The following TNIK variants were observed in gnomAD, a reference collection of about 807,000 sequenced individuals.
TNIK encodes the protein TRAF2 and NCK interacting kinase, also known as TRAF2 and NCK-interacting protein kinase.
Under a neutral mutation model 191.3 loss-of-function variants are expected in TNIK, and 49 were observed. The ratio of observed to expected loss-of-function variants is 0.26; its 90% CI spans 0.20 to 0.32. The LOEUF (loss-of-function observed/expected upper bound fraction) is 0.32. TNIK is among the 10% of genes least tolerant of loss of function. The probability of loss-of-function intolerance (pLI) is 1.00; values close to 1 mark genes in which losing one functional copy is unlikely to be tolerated. For synonymous variants in TNIK, 594 were observed against 600.9 expected (o/e 0.99, Z 0.17); for missense variants, 1,155 against 1,702.3 (o/e 0.68, Z 5.66).
At chr3:171,219,105 AAT>A (rs1335556224) in intron 3 of TNIK, among the ~76,000 whole-genome samples, 1 of 133,570 alleles carries the variant, frequency 7.5e-6, no homozygotes, top group Non-Finnish European at 1.5e-5. Context: ...TATAATTATA[AAT>A]ATATATTTTA....
chr3:171,108,883 T>C (rs995923093), intron 19 of TNIK, among the ~76,000 whole-genome samples: 14 of 152,112 alleles, frequency 9.2e-5, no homozygotes, highest in African/African-American at 3.4e-4. Context: ...GCAGAGTGAA[T>C]AGCATCTTTG....
intron 2 of TNIK, among the ~76,000 whole-genome samples, chr3:171,247,917 A>G (rs1398207625): frequency 6.6e-6 from 1 of 152,210 alleles, no homozygotes; most frequent in Non-Finnish European, 1.5e-5. Context: ...GTGGAGGCAA[A>G]GAGGGTAGAA....
chr3:171,345,748 G>C (rs1712082327), intron 2 of TNIK, among the ~76,000 whole-genome samples: 1 of 152,138 alleles, frequency 6.6e-6, no homozygotes, highest in Admixed American at 6.6e-5. Flanking sequence ...TTAGTTGCAA[G>C]GGGATAAAAT....
chr3:171,251,972 C>T (rs1317765698), intron 2 of TNIK, among the ~76,000 whole-genome samples: 2 of 151,860 alleles, frequency 1.3e-5, no homozygotes, highest in African/African-American at 4.8e-5. Flanking sequence ...AAAGTAGCTC[C>T]CAAATTTATA....
intron 2 of TNIK, among the ~76,000 whole-genome samples, chr3:171,287,037 A>T (rs940398312): frequency 1.3e-5 from 2 of 152,216 alleles, no homozygotes; most frequent in South Asian, 2.1e-4. Context: ...TGTTGTTCTC[A>T]TAGAAAAACA....
chr3:171,282,334 G>GTTTTTTTTTTTT lies in TNIK; in HGVS notation c.124-54114_124-54113insAAAAAAAAAAAA, dbSNP rs201489240. ...GAACTATCTGCAGATTCTCTTAATG[G>GTTTTTTTTTTTT]TTTTTTGTTTTTTTTTTTTTTTTTG... On this transcript the variant is annotated intron_variant, in intron 2 of 32. Transcript: ENST00000436636. Among the ~76,000 whole-genome samples, 112 of 114,492 alleles carry GTTTTTTTTTTTT rather than the reference G, an allele frequency of 9.8e-4. 7 individuals are homozygous for GTTTTTTTTTTTT. The highest frequency in any genetic ancestry group is 1.3e-3 in the Non-Finnish European group (72 of 56,048). The allele number at this position is 114,492 out of a possible 152,430, so 75.1% of individuals were successfully genotyped here.
chr3:171,459,675 T>TACACAC (rs58614773), intron 1 of TNIK, among the ~76,000 whole-genome samples: 3,722 of 146,278 alleles, frequency 0.025, 66 homozygotes, highest in Non-Finnish European at 0.034. Context: ...CCGGGGCGTG[T>TACACAC]ACACACACAC....
In TNIK at chr3:171,162,285, G is replaced by A. The variant is rs117249699; in HGVS notation, c.950-949C>T. Among the ~76,000 whole-genome samples the A allele has an allele frequency of 9.9e-5, 15 of 152,088 alleles. No homozygotes were observed. The East Asian group carries it at 1.6e-3, about 16-fold the overall frequency. On this transcript the variant is annotated intron_variant, in intron 10 of 32. Coordinates refer to ENST00000436636, the MANE Select transcript of TNIK (RefSeq NM_015028.4). The stretch of plus-strand genomic sequence containing the variant: ...AAATACAAAAAAAAATTAGCTGGGC[G>A]TGGTTACAGGCACCGGTAGTCCCAG...
At chr3:171,175,119 A>G in intron 9 of TNIK, 133 bp downstream of exon 9, 1 of 855,906 alleles carries the variant, frequency 1.2e-6, no homozygotes, top group Non-Finnish European at 1.9e-6. Flanking sequence ...CAGCATATGG[A>G]AAGTAATTCA....
At chr3:171,429,903 C>G (rs544610985) in intron 1 of TNIK, among the ~76,000 whole-genome samples, 13 of 152,160 alleles carry the variant, frequency 8.5e-5, no homozygotes, top group Non-Finnish European at 1.6e-4. Flanking sequence ...CCTTACCACT[C>G]CTGTGTGGCT....
At chr3:171,410,075 G>A (rs570137927) in intron 1 of TNIK, among the ~76,000 whole-genome samples, 3 of 152,158 alleles carry the variant, frequency 2.0e-5, no homozygotes, top group African/African-American at 7.2e-5. Flanking sequence ...AATTTATACA[G>A]GGTTCTTTGG....
intron 2 of TNIK, among the ~76,000 whole-genome samples, chr3:171,284,134 G>A (rs1356868593): frequency 6.6e-6 from 1 of 152,024 alleles, no homozygotes; most frequent in Non-Finnish European, 1.5e-5. Flanking sequence ...GCGGCAGGGA[G>A]GAGGGCAGGA....
At chr3:171,335,735 A>G (rs1199904426) in intron 2 of TNIK, among the ~76,000 whole-genome samples, 2 of 152,242 alleles carry the variant, frequency 1.3e-5, no homozygotes, top group Non-Finnish European at 2.9e-5. Flanking sequence ...TGACCATTCA[A>G]TACAGATCTT....
At chr3:171,329,672 T>C (rs1756199961) in intron 2 of TNIK, among the ~76,000 whole-genome samples, 1 of 152,198 alleles carries the variant, frequency 6.6e-6, no homozygotes. Flanking sequence ...ATGCCAGTCA[T>C]TAGCTAACAA....
rs189444547 is a variant in TNIK at position 171,156,133 on chromosome 3, G to T, written c.1221+1327C>A. Among the ~76,000 whole-genome samples the T allele has an allele frequency of 7.2e-5, 11 of 152,324 alleles. No homozygotes were observed. The South Asian group carries it at 1.5e-3, about 20-fold the overall frequency. On this transcript the variant is annotated intron_variant, in intron 12 of 32. Coordinates refer to ENST00000436636, the MANE Select transcript of TNIK (RefSeq NM_015028.4). ...GAGAGATAATCAATACAGGAAAAGAGATAATGATAGTAGATGAGATAGTGG... is the reference window on the plus strand; with the variant it reads ...GAGAGATAATCAATACAGGAAAAGATATAATGATAGTAGATGAGATAGTGG...
At chr3:171,327,900 T>TAAAAAAAAAAAAAAAAAAA (rs71634497) in intron 2 of TNIK, among the ~76,000 whole-genome samples, 46 of 79,624 alleles carry the variant, frequency 5.8e-4, no homozygotes, top group East Asian at 1.1e-3. Context: ...ACCTGGCTCA[T>TAAAAAAAAAAAAAAAAAAA]AAAAAAAAAA....
At chr3:171,453,232 C>G (rs1248821576) in intron 1 of TNIK, among the ~76,000 whole-genome samples, 3 of 152,114 alleles carry the variant, frequency 2.0e-5, no homozygotes, top group Admixed American at 6.5e-5. Flanking sequence ...AAGGAATTGT[C>G]TAGTAGTGAA....
At chr3:171,139,658 G>A in intron 13 of TNIK, 102 bp from the exon 14 acceptor site, 1 of 1,118,064 alleles carries the variant, frequency 8.9e-7, no homozygotes, top group Non-Finnish European at 1.3e-6. Context: ...AGTGTAGAAG[G>A]AAGGAGGGGA....
intron 29 of TNIK, among the ~76,000 whole-genome samples, chr3:171,070,423 A>T (rs899288744): frequency 1.3e-5 from 2 of 152,220 alleles, no homozygotes; most frequent in Non-Finnish European, 2.9e-5. Flanking sequence ...CCAATGAGAC[A>T]TAAAGAAGTA....
Sources: allele counts gnomAD v4.1 joint callset (sites outside exome capture counted in the v4.1 genomes callset), GRCh38; gene constraint gnomAD v4.1.1; transcripts MANE v1.5; gene names NCBI Gene and HGNC (gene_info 2026-07-23, HGNC 2026-07-21).